The following NAV3 variants were observed in gnomAD, a reference collection of about 807,000 sequenced individuals.
The protein encoded by NAV3 is neuron navigator 3, also known as pore membrane and/or filament interacting like protein 1.
A neutral mutation model predicts 244.7 loss-of-function variants in NAV3; 87 were observed. The observed-to-expected ratio is 0.36, with a 90% CI of 0.30 to 0.42. The LOEUF (loss-of-function observed/expected upper bound fraction) is 0.42. NAV3 is among the 20% of genes least tolerant of loss of function. The probability of loss-of-function intolerance (pLI) is 1.00; values close to 1 mark genes in which losing one functional copy is unlikely to be tolerated. For synonymous variants in NAV3, 1,126 were observed against 1,042.2 expected, an observed-to-expected ratio of 1.08 and a Z score of -1.55; for missense variants, 2,663 against 2,893.3, an observed-to-expected ratio of 0.92 and a Z score of 1.83.
rs1876480823 is a variant in NAV3 at position 78,017,807 on chromosome 12, T to C, written c.1908-3940T>C. ...AAATCATGCATAAAAATAGAGGGTA[T>C]GTTGTGCGTCTTCAGAGATTTAACT... On this transcript the variant is annotated intron_variant, in intron 8 of 39. Coordinates refer to ENST00000397909, the MANE Select transcript of NAV3 (RefSeq NM_001024383.2). 2.0e-5 allele frequency among the ~76,000 whole-genome samples: 3 copies of C among 152,204 alleles called. No individual in the cohort carries two copies. The South Asian group carries it at 6.2e-4, about 31-fold the overall frequency.
intron 9 of NAV3, among the ~76,000 whole-genome samples, chr12:78,038,344 G>C (rs1389703591): frequency 1.3e-5 from 2 of 152,150 alleles, no homozygotes; most frequent in Non-Finnish European, 2.9e-5. Flanking sequence ...GCCTCCTTAA[G>C]TTGAAAGGAA....
At chr12:78,057,020 T>C (rs1022113539) in intron 11 of NAV3, among the ~76,000 whole-genome samples, 3 of 152,190 alleles carry the variant, frequency 2.0e-5, no homozygotes, top group Non-Finnish European at 4.4e-5. Flanking sequence ...TGCGAAGGCT[T>C]ATCTCTTTCT....
intron 28 of NAV3, among the ~76,000 whole-genome samples, chr12:78,178,763 T>G (rs967364321): frequency 6.6e-6 from 1 of 152,152 alleles, no homozygotes; most frequent in African/African-American, 2.4e-5. Flanking sequence ...TTGTGGCCAG[T>G]AAACTAGTTG....
chr12:77,854,994 G>A (rs1374200454), intron 1 of NAV3, among the ~76,000 whole-genome samples: 2 of 152,102 alleles, frequency 1.3e-5, no homozygotes, highest in African/African-American at 4.8e-5. Context: ...GGGCGTGGTG[G>A]CGGGCGCCTG....
intron 17 of NAV3, among the ~76,000 whole-genome samples, chr12:78,127,638 A>G (rs921583654): frequency 2.0e-5 from 3 of 152,158 alleles, no homozygotes; most frequent in Non-Finnish European, 2.9e-5. Context: ...TTCAAAACCC[A>G]TGCAGTCTAC....
chr12:77,949,341 G>A lies in NAV3; in HGVS notation c.414+8208G>A, dbSNP rs559627086. 1.2e-4 allele frequency among the ~76,000 whole-genome samples: 18 copies of A among 152,068 alleles called. No homozygotes were observed. In the South Asian group the frequency reaches 2.7e-3, roughly 23 times the overall value. ...TAATGGAACTGCGTCTCATTGAGGC[G>A]ATCTGTGTCCTTTATTTAGTAAAGT... is the stretch of plus-strand genomic sequence containing the variant. On this transcript the variant is annotated intron_variant, in intron 3 of 39. Coordinates refer to ENST00000397909, the MANE Select transcript of NAV3 (RefSeq NM_001024383.2).
chr12:77,657,872 C>A (rs1401558728), intron 2 of NAV3, among the ~76,000 whole-genome samples: 11 of 151,868 alleles, frequency 7.2e-5, no homozygotes, highest in Non-Finnish European at 1.3e-4. Flanking sequence ...GATTATCTCA[C>A]TAGATGCAGA....
At chr12:77,931,833 C>T (rs1293434950) in intron 1 of NAV3, among the ~76,000 whole-genome samples, 2 of 152,056 alleles carry the variant, frequency 1.3e-5, no homozygotes, top group African/African-American at 4.8e-5. Flanking sequence ...CGCCACTGCA[C>T]GCCAGCCTGG....
intron 13 of NAV3, among the ~76,000 whole-genome samples, chr12:78,117,361 ATAATAG>A (rs1955462112): frequency 6.9e-6 from 1 of 144,334 alleles, no homozygotes; most frequent in Admixed American, 7.1e-5. Flanking sequence ...TATATAACAT[ATAATAG>A]ATATATATTT....
intron 1 of NAV3, among the ~76,000 whole-genome samples, chr12:77,917,882 C>A (rs370108218): frequency 2.6e-5 from 4 of 152,018 alleles, no homozygotes; most frequent in Admixed American, 2.0e-4. Flanking sequence ...GACGCTGACT[C>A]ATACAGTGAC....
intron 1 of NAV3, among the ~76,000 whole-genome samples, chr12:77,877,934 T>A (rs1468723033): frequency 6.6e-6 from 1 of 152,162 alleles, no homozygotes; most frequent in African/African-American, 2.4e-5. Flanking sequence ...AAAGACACTT[T>A]ATCTCTGGTC....
intron 2 of NAV3, among the ~76,000 whole-genome samples, chr12:77,741,496 C>T (rs1267026285): frequency 6.6e-6 from 1 of 152,080 alleles, no homozygotes; most frequent in Non-Finnish European, 1.5e-5. Flanking sequence ...AACAGTTAGA[C>T]CAGTTCATTT....
At chr12:77,597,756 T>G (rs914604404) in intron 2 of NAV3, among the ~76,000 whole-genome samples, 2 of 152,046 alleles carry the variant, frequency 1.3e-5, no homozygotes, top group Admixed American at 6.6e-5. Context: ...ATGTACAAAG[T>G]GCAATAAGAT....
chr12:77,648,728 C>T lies in NAV3; in HGVS notation c.72+76462C>T, dbSNP rs543129606. ...TTTTGCCTCATGTGAAAGAGTAGGG[C>T]TCAAGAGGTCTTTTAAGATTGTTTT... On this transcript the variant is annotated intron_variant, in intron 2 of 8. Transcript: ENST00000550042. Among the ~76,000 whole-genome samples the T allele has an allele frequency of 1.2e-4, 19 of 152,220 alleles. No homozygotes were observed. The South Asian group carries it at 3.9e-3, about 32-fold the overall frequency.
intron 18 of NAV3, among the ~76,000 whole-genome samples, chr12:78,131,713 G>T (rs1457197281): frequency 6.6e-6 from 1 of 152,026 alleles, no homozygotes; most frequent in African/African-American, 2.4e-5. Context: ...TGGTGAAGTC[G>T]TTTAAACTTA....
intron 1 of NAV3, among the ~76,000 whole-genome samples, chr12:77,907,161 T>C (rs1027439754): frequency 2.6e-5 from 4 of 152,170 alleles, no homozygotes; most frequent in Non-Finnish European, 4.4e-5. Context: ...TAAACAAAGG[T>C]AAATCAAAGT....
At chr12:78,209,022 T>A (rs1206515170) in intron 39 of NAV3, among the ~76,000 whole-genome samples, 1 of 152,126 alleles carries the variant, frequency 6.6e-6, no homozygotes, top group Non-Finnish European at 1.5e-5. Flanking sequence ...AAGGAGACAT[T>A]TGACTTTTTG....
At chr12:77,612,490 G>T (rs1870959909) in intron 2 of NAV3, among the ~76,000 whole-genome samples, 1 of 152,108 alleles carries the variant, frequency 6.6e-6, no homozygotes, top group Non-Finnish European at 1.5e-5. Flanking sequence ...ACACCCTGGA[G>T]GTGAGAGGCA....
chr12:77,974,533 G>T (rs1893298176), intron 5 of NAV3, among the ~76,000 whole-genome samples: 2 of 151,870 alleles, frequency 1.3e-5, no homozygotes, highest in Admixed American at 1.3e-4. Context: ...CCTAGCCTCA[G>T]ATGATCTGCC....
Sources: allele counts gnomAD v4.1 joint callset (sites outside exome capture counted in the v4.1 genomes callset), GRCh38; gene constraint gnomAD v4.1.1; transcripts MANE v1.5; gene names NCBI Gene and HGNC (gene_info 2026-07-23, HGNC 2026-07-21).